The following B3GALT1 variants were observed in gnomAD, a reference collection of about 807,000 sequenced individuals.
B3GALT1 encodes the protein UDP-Gal:betaGlcNAc beta 1,3-galactosyltransferase, polypeptide 1.
B3GALT1 carries 10 observed loss-of-function variants against 23.2 expected under a neutral mutation model. The ratio of observed to expected loss-of-function variants is 0.43; its 90% CI spans 0.27 to 0.73. The LOEUF (loss-of-function observed/expected upper bound fraction) is 0.73. B3GALT1 is among the 30% of genes least tolerant of loss of function. The pLI is 0.21. For synonymous variants in B3GALT1, 156 were observed against 141.5 expected (o/e 1.10, Z -0.73); for missense variants, 299 against 405.4 (o/e 0.74, Z 2.25).
chr2:167,535,625 C>A lies in B3GALT1; in HGVS notation c.-410+45348C>A, dbSNP rs185191192. Among the ~76,000 whole-genome samples the A allele has an allele frequency of 7.2e-3, 1,086 of 151,316 alleles. 8 individuals are homozygous for A. Among genetic ancestry groups the A allele is most frequent in the Non-Finnish European group, 0.012 (810 of 67,896 alleles). On this transcript the variant is annotated intron_variant, in intron 2 of 4. Coordinates refer to ENST00000392690, the MANE Select transcript of B3GALT1 (RefSeq NM_020981.4). ...CATAGGTATAAAAAGGAGAGGCATA[C>A]CATGTTATCCCTCCAATTTAACAGA...
chr2:167,323,455 T>C (rs140978232), intron 1 of B3GALT1, among the ~76,000 whole-genome samples: 1 of 150,742 alleles, frequency 6.6e-6, no homozygotes, highest in African/African-American at 2.4e-5. Context: ...TGAATGATTA[T>C]CTTTTTGAAA....
chr2:167,607,734 T>C (rs1355742850), intron 2 of B3GALT1, among the ~76,000 whole-genome samples: 1 of 152,212 alleles, frequency 6.6e-6, no homozygotes, highest in Non-Finnish European at 1.5e-5. Context: ...AATGTTGAAT[T>C]TTTAGTGTGG....
chr2:167,295,163 ATTG>A (rs970443475), intron 1 of B3GALT1, among the ~76,000 whole-genome samples: 4 of 152,138 alleles, frequency 2.6e-5, no homozygotes, highest in Non-Finnish European at 4.4e-5. Context: ...TCATCACTTA[ATTG>A]TTGTGCTGTA....
chr2:167,626,853 A>C (rs1685355817), intron 2 of B3GALT1, among the ~76,000 whole-genome samples: 1 of 151,726 alleles, frequency 6.6e-6, no homozygotes, highest in Non-Finnish European at 1.5e-5. Context: ...GATTCTTAAC[A>C]TATTAACATT....
At chr2:167,710,965 G>T (rs1687038746) in intron 3 of B3GALT1, among the ~76,000 whole-genome samples, 1 of 152,048 alleles carries the variant, frequency 6.6e-6, no homozygotes, top group Admixed American at 6.5e-5. Flanking sequence ...GCCCTCCAGG[G>T]TTTTCCACTG....
At chr2:167,580,618 C>T in intron 2 of B3GALT1, among the ~76,000 whole-genome samples, 1 of 152,052 alleles carries the variant, frequency 6.6e-6, no homozygotes, top group Non-Finnish European at 1.5e-5. Context: ...GGGCCTGACT[C>T]TATGTTAAAA....
intron 2 of B3GALT1, among the ~76,000 whole-genome samples, chr2:167,623,232 C>T (rs1411036972): frequency 6.6e-6 from 1 of 151,936 alleles, no homozygotes; most frequent in East Asian, 1.9e-4. Context: ...GATATAGAAC[C>T]AGAAATACCA....
intron 2 of B3GALT1, among the ~76,000 whole-genome samples, chr2:167,633,484 T>C (rs1183753453): frequency 6.9e-6 from 1 of 145,738 alleles, no homozygotes; most frequent in East Asian, 2.0e-4. Flanking sequence ...ACCAAGCAAA[T>C]GGAAAGAAAA....
At chr2:167,770,123 T>C (rs1053960826) in intron 3 of B3GALT1, among the ~76,000 whole-genome samples, 17 of 152,216 alleles carry the variant, frequency 1.1e-4, no homozygotes, top group Admixed American at 1.0e-3. Flanking sequence ...TTTTGTTTTT[T>C]TGAGACTGCG....
At position 167,318,922 on chromosome 2, in the gene B3GALT1, A is replaced by T. The variant is rs536320166; in HGVS notation, c.-511+25588A>T. ...CAACCCAGAGGATCAAGCCTATCAG[A>T]GCCTGCAGGGGCCCATTCCCTGAGG... On this transcript the variant is annotated intron_variant, in intron 1 of 4. Coordinates refer to ENST00000392690, the MANE Select transcript of B3GALT1 (RefSeq NM_020981.4). Among the ~76,000 whole-genome samples, 151 of 152,276 alleles carry T rather than the reference A, an allele frequency of 9.9e-4. 2 individuals are homozygous for T. The highest frequency in any genetic ancestry group is 3.4e-3 in the African/African-American group (143 of 41,580).
intron 1 of B3GALT1, among the ~76,000 whole-genome samples, chr2:167,489,573 G>A (rs1238591581): frequency 6.6e-6 from 1 of 152,168 alleles, no homozygotes; most frequent in Non-Finnish European, 1.5e-5. Context: ...GAGACTTTGT[G>A]TTGTTGGAAG....
chr2:167,387,144 A>G lies in B3GALT1; in HGVS notation c.-511+93810A>G, dbSNP rs147318406. ...TTATTTAATTCTGCCAAGAGAGGGC[A>G]TTAAAAGATATGGTAGGCTGTCATT... On this transcript the variant is annotated intron_variant, in intron 1 of 4. Transcript: ENST00000392690. Among the ~76,000 whole-genome samples, 3 of 152,378 alleles carry G rather than the reference A, an allele frequency of 2.0e-5. No individual in the cohort carries two copies. The East Asian group carries it at 5.8e-4, about 29-fold the overall frequency.
At chr2:167,556,473 G>A (rs916396890) in intron 2 of B3GALT1, among the ~76,000 whole-genome samples, 2 of 152,030 alleles carry the variant, frequency 1.3e-5, no homozygotes, top group African/African-American at 2.4e-5. Flanking sequence ...GGACTATAAG[G>A]ACACCATGGG....
chr2:167,488,382 G>T (rs1025399738), intron 1 of B3GALT1, among the ~76,000 whole-genome samples: 3 of 152,174 alleles, frequency 2.0e-5, no homozygotes, highest in African/African-American at 7.2e-5. Context: ...GAGAATAAGG[G>T]CTGTGTCTAT....
Position 167,656,142 on chromosome 2 carries a change from TTC to T in B3GALT1, c.-352+9178_-352+9179del, listed in dbSNP as rs551410225. Among the ~76,000 whole-genome samples, 539 of 152,238 alleles carry T rather than the reference TTC, an allele frequency of 3.5e-3. 5 individuals carry two copies. Among genetic ancestry groups the T allele is most frequent in the African/African-American group, 0.012 (510 of 41,562 alleles). The stretch of plus-strand genomic sequence containing the variant: ...TTATGTGAGGACAGAATGTTGGGCT[TTC>T]TAAGACAGTAGAGGCCTTCAAACTG... On this transcript the variant is annotated intron_variant, in intron 3 of 4. Transcript: ENST00000392690.
chr2:167,752,609 G>A (rs1216009507), intron 3 of B3GALT1, among the ~76,000 whole-genome samples: 3 of 11,730 alleles, frequency 2.6e-4, no homozygotes, highest in Admixed American at 2.0e-3. Flanking sequence ...CCCCTTCCCC[G>A]CTTTAATGTC....
At chr2:167,429,307 A>G (rs975377510) in intron 1 of B3GALT1, among the ~76,000 whole-genome samples, 1 of 151,522 alleles carries the variant, frequency 6.6e-6, no homozygotes, top group African/African-American at 2.4e-5. Flanking sequence ...AAAATAAGAA[A>G]TGTTTTAAAA....
intron 4 of B3GALT1, among the ~76,000 whole-genome samples, chr2:167,852,464 G>C (rs1027292316): frequency 8.2e-5 from 10 of 122,608 alleles, no homozygotes; most frequent in Admixed American, 4.6e-4. Context: ...TTTTATTCGT[G>C]ATGGTGTGTG....
At chr2:167,772,087 C>T (rs907497183) in intron 3 of B3GALT1, among the ~76,000 whole-genome samples, 1 of 151,412 alleles carries the variant, frequency 6.6e-6, no homozygotes, top group Non-Finnish European at 1.5e-5. Context: ...GGGGGGAATC[C>T]AAAAGGCTGC....
Sources: allele counts gnomAD v4.1 joint callset (sites outside exome capture counted in the v4.1 genomes callset), GRCh38; gene constraint gnomAD v4.1.1; transcripts MANE v1.5; gene names NCBI Gene and HGNC (gene_info 2026-07-23, HGNC 2026-07-21).